The following TSNARE1 variants were observed in gnomAD, a reference collection of about 807,000 sequenced individuals.
TSNARE1 encodes the protein t-SNARE domain-containing protein 1.
TSNARE1 carries 49 observed loss-of-function variants against 62.0 expected under a neutral mutation model. The ratio of observed to expected loss-of-function variants is 0.79; its 90% CI spans 0.63 to 1.00. The LOEUF is 1.00. Ranked by LOEUF, TSNARE1 falls within the 50% of genes least tolerant of loss-of-function variation. The pLI, the probability that TSNARE1 is intolerant of heterozygous loss-of-function variation, is 0.00. For synonymous variants in TSNARE1, 328 were observed against 294.4 expected (o/e 1.11, Z -1.17); for missense variants, 755 against 700.1 (o/e 1.08, Z -0.88).
chr8:142,274,448 A>G (rs1820090181), intron 12 of TSNARE1: 1 of 985,376 alleles, frequency 1.0e-6, no homozygotes, highest in African/African-American at 1.7e-5. Flanking sequence ...ACTGAGCTGC[A>G]TGTCAGCATC....
chr8:142,278,834 G>A, intron 11 of TSNARE1: 3 of 980,134 alleles, frequency 3.1e-6, no homozygotes, highest in Non-Finnish European at 2.4e-6. Flanking sequence ...AGAAGGAGGG[G>A]GAGGCCACTG....
At chr8:142,382,606 A>T (rs1161908212) in intron 1 of TSNARE1, among the ~76,000 whole-genome samples, 1 of 152,176 alleles carries the variant, frequency 6.6e-6, no homozygotes, top group East Asian at 1.9e-4. Flanking sequence ...AGGTCTGGCC[A>T]TGGGGTGGCC....
rs550206719 is a variant in TSNARE1 at position 142,275,266 on chromosome 8, G to A, written c.1364-403C>T. On this transcript the variant is annotated intron_variant, in intron 11 of 13. Transcript: ENST00000524325. Reference sequence around the variant, plus strand: ...GAAGGGGCAAAGCCCCTGCCTTAACGTCTGTGGAGTTGCGACGCGGCTGAT... The same window carrying A: ...GAAGGGGCAAAGCCCCTGCCTTAACATCTGTGGAGTTGCGACGCGGCTGAT... 3.5e-4 allele frequency: 343 copies of A among 985,430 alleles called. 1 individual carries two copies. In the African/African-American group the frequency reaches 4.8e-3, roughly 14 times the overall value. The allele number at this position is 985,430 out of a possible 1,614,324, so 61.0% of individuals were successfully genotyped here. A position where few individuals can be genotyped will look rare whatever the true frequency, so the allele number is the denominator to read the frequency against.
chr8:142,380,871 T>A (rs1437804884), intron 1 of TSNARE1, among the ~76,000 whole-genome samples: 1 of 151,932 alleles, frequency 6.6e-6, no homozygotes, highest in Admixed American at 6.6e-5. Context: ...TGAGATAAAG[T>A]CCTTTTAAGA....
intron 2 of TSNARE1, 52 bp from the exon 3 acceptor site, chr8:142,345,944 G>A (rs751362197): frequency 1.3e-5 from 21 of 1,574,100 alleles, no homozygotes; most frequent in Non-Finnish European, 1.8e-5. Context: ...GGCGCTCCTG[G>A]CAGTGCCAGG....
chr8:142,314,285 T>G, intron 9 of TSNARE1, 99 bp downstream of exon 9: 1 of 1,165,396 alleles, frequency 8.6e-7, no homozygotes, highest in Non-Finnish European at 1.2e-6. Context: ...ATGACACCCC[T>G]GCCCTTGGCC....
intron 2 of TSNARE1, 50 bp from the exon 3 acceptor site, chr8:142,345,942 T>C (rs1330142732): frequency 6.3e-7 from 1 of 1,577,512 alleles, no homozygotes; most frequent in South Asian, 1.2e-5. Context: ...AGGGCGCTCC[T>C]GGCAGTGCCA....
intron 2 of TSNARE1, among the ~76,000 whole-genome samples, chr8:142,348,396 C>G (rs1833655248): frequency 6.6e-6 from 1 of 152,198 alleles, no homozygotes; most frequent in African/African-American, 2.4e-5. Context: ...GTGAACACCT[C>G]TGCCCGTGTG....
At chr8:142,405,372 T>G (rs1383932027), upstream of TSNARE1, 1 of 152,142 alleles carries the variant, frequency 6.6e-6, no homozygotes, top group East Asian at 1.9e-4. Context: ...GTCCCACCCC[T>G]TGGCCAACCA....
At chr8:142,309,871 T>A (rs1008190667) in intron 9 of TSNARE1, among the ~76,000 whole-genome samples, 1 of 152,190 alleles carries the variant, frequency 6.6e-6, no homozygotes, top group Non-Finnish European at 1.5e-5. Context: ...GCTATTGAGG[T>A]CTAGAGTTTT....
At chr8:142,271,439 T>G in intron 12 of TSNARE1, 1 of 1,257,806 alleles carries the variant, frequency 8.0e-7, no homozygotes. Context: ...TGCGGACGTT[T>G]CAGATGCTGC....
intron 12 of TSNARE1, among the ~76,000 whole-genome samples, chr8:142,257,487 C>T (rs866429922): frequency 1.7e-4 from 26 of 152,216 alleles, no homozygotes; most frequent in African/African-American, 6.3e-4. Context: ...CTCTGGGAGC[C>T]TCCTCCCCTG....
intron 1 of TSNARE1, among the ~76,000 whole-genome samples, chr8:142,362,043 T>G (rs1196069905): frequency 6.6e-6 from 1 of 152,226 alleles, no homozygotes; most frequent in African/African-American, 2.4e-5. Context: ...CAGGAGGGCT[T>G]GCTGTCAGCA....
intron 10 of TSNARE1, among the ~76,000 whole-genome samples, chr8:142,297,734 A>C (rs1250840670): frequency 1.3e-5 from 2 of 152,220 alleles, no homozygotes; most frequent in South Asian, 4.1e-4. Flanking sequence ...ACAGCCTCTC[A>C]TGCGTCACGC....
intron 7 of TSNARE1, among the ~76,000 whole-genome samples, chr8:142,318,131 T>C (rs1169250186): frequency 6.6e-6 from 1 of 151,858 alleles, no homozygotes; most frequent in African/African-American, 2.4e-5. Context: ...GGTGAGGGGA[T>C]AGGGAGGGTG....
intron 13 of TSNARE1, among the ~76,000 whole-genome samples, chr8:142,217,898 C>G (rs147827865): frequency 0.37 from 16,653 of 45,588 alleles, 5,093 homozygotes; most frequent in Middle Eastern, 0.4. Flanking sequence ...CAGTGTGTGA[C>G]CAGGATCAGG....
At chr8:142,357,293 G>T (rs1261183141) in intron 1 of TSNARE1, among the ~76,000 whole-genome samples, 1 of 152,238 alleles carries the variant, frequency 6.6e-6, no homozygotes, top group East Asian at 1.9e-4. Flanking sequence ...GGCTTTCAGA[G>T]AACTCGGGGA....
intron 12 of TSNARE1, chr8:142,270,120 T>TC: frequency 7.1e-6 from 7 of 985,382 alleles, no homozygotes; most frequent in Non-Finnish European, 8.4e-6. Context: ...CCCGGGCTGG[T>TC]CCCACCTCCC....
At chr8:142,324,381 G>C (rs1023530125) in intron 6 of TSNARE1, among the ~76,000 whole-genome samples, 2 of 152,130 alleles carry the variant, frequency 1.3e-5, no homozygotes, top group Non-Finnish European at 2.9e-5. Context: ...CTGCCAGCTC[G>C]GCGGCTCCTG....
Sources: allele counts gnomAD v4.1 joint callset (sites outside exome capture counted in the v4.1 genomes callset), GRCh38; gene constraint gnomAD v4.1.1; transcripts MANE v1.5; gene names NCBI Gene and HGNC (gene_info 2026-07-23, HGNC 2026-07-21).